Variants in ABCD3 observed in about 807,000 individuals in gnomAD.
The protein encoded by ABCD3 is ATP-binding cassette sub-family D member 3.
ABCD3 carries 41 observed loss-of-function variants against 105.5 expected under a neutral mutation model. That is an observed-to-expected ratio of 0.39 (90% CI 0.30 to 0.50). The LOEUF (loss-of-function observed/expected upper bound fraction) is 0.50. ABCD3 is among the 20% of genes least tolerant of loss of function. ABCD3 has a pLI of 0.84. For missense variants in ABCD3, 622 were observed against 806.3 expected, an observed-to-expected ratio of 0.77 and a Z score of 2.77; for synonymous variants, 258 against 269.0, an observed-to-expected ratio of 0.96 and a Z score of 0.40.
intron 16 of ABCD3, among the ~76,000 whole-genome samples, chr1:94,494,123 C>G (rs186889931): frequency 2.0e-5 from 3 of 151,918 alleles, no homozygotes; most frequent in African/African-American, 7.3e-5. Context: ...AGAACAATAA[C>G]TACCCTGTAT....
chr1:94,472,935 C>T (rs998274356), intron 4 of ABCD3, among the ~76,000 whole-genome samples: 1 of 152,090 alleles, frequency 6.6e-6, no homozygotes, highest in Non-Finnish European at 1.5e-5. Context: ...ACTCAAAGAT[C>T]CTTTACTTAT....
At chr1:94,440,748 T>A (rs2100912794) in intron 1 of ABCD3, among the ~76,000 whole-genome samples, 1 of 152,364 alleles carries the variant, frequency 6.6e-6, no homozygotes, top group African/African-American at 2.4e-5. Flanking sequence ...AGAAATACTT[T>A]GTCATCTAGT....
chr1:94,444,003 C>CT (rs1236880394), intron 1 of ABCD3, among the ~76,000 whole-genome samples: 1 of 151,874 alleles, frequency 6.6e-6, no homozygotes, highest in Non-Finnish European at 1.5e-5. Context: ...TCTCTCATGT[C>CT]TTTTTTATTT....
intron 1 of ABCD3, among the ~76,000 whole-genome samples, chr1:94,458,234 A>G (rs1255226566): frequency 1.3e-5 from 2 of 152,188 alleles, no homozygotes; most frequent in Admixed American, 1.3e-4. Context: ...ACATTTTCCA[A>G]GCCTCTGTTT....
intron 1 of ABCD3, among the ~76,000 whole-genome samples, chr1:94,437,740 T>C (rs947812100): frequency 1.3e-5 from 2 of 152,244 alleles, no homozygotes; most frequent in African/African-American, 4.8e-5. Context: ...ATCTCTGTGA[T>C]GGATCTGGGT....
At chr1:94,451,552 A>G (rs1647259849) in intron 1 of ABCD3, among the ~76,000 whole-genome samples, 2 of 152,182 alleles carry the variant, frequency 1.3e-5, no homozygotes, top group Admixed American at 1.3e-4. Context: ...TGTTTCCCAA[A>G]GGATTTATAT....
Position 94,418,444 on chromosome 1 carries a change from C to T in ABCD3, c.-35C>T, listed in dbSNP as rs753091516. On this transcript the variant is annotated 5_prime_UTR_variant, in exon 1 of 23. Transcript: ENST00000370214. ...GTAGCCGCCGCCGCCGCCGCCGCCGCGTCCCCTCGCCGGCTCGCTGGTACC... is the reference window on the plus strand; with the variant it reads ...GTAGCCGCCGCCGCCGCCGCCGCCGTGTCCCCTCGCCGGCTCGCTGGTACC... The T allele has an allele frequency of 1.2e-5, 19 of 1,553,706 alleles. No homozygotes were observed. Among genetic ancestry groups the T allele is most frequent in the South Asian group, 9.2e-5 (8 of 87,048 alleles).
At chr1:94,512,543 A>C (rs1370439151) in intron 21 of ABCD3, among the ~76,000 whole-genome samples, 3 of 151,970 alleles carry the variant, frequency 2.0e-5, no homozygotes, top group Non-Finnish European at 4.4e-5. Context: ...ACCTTTTCTT[A>C]ATTTTTCCAT....
At chr1:94,428,086 A>T (rs814610) in intron 1 of ABCD3, among the ~76,000 whole-genome samples, 7,920 of 144,404 alleles carry the variant, frequency 0.055, 237 homozygotes, top group East Asian at 0.12. Context: ...TTTTTTTTTT[A>T]TTTTTTATTT....
intron 22 of ABCD3, among the ~76,000 whole-genome samples, chr1:94,515,949 G>C (rs549615951): frequency 1.3e-5 from 2 of 149,710 alleles, no homozygotes; most frequent in African/African-American, 4.9e-5. Flanking sequence ...GAAATTTTAG[G>C]TAAAAGCAAG....
rs1557696389 is a variant in ABCD3 at position 94,517,418 on chromosome 1, C to A, written c.*289C>A. 1 of 358,318 alleles carries A rather than the reference C, an allele frequency of 2.8e-6. No individual in the cohort carries two copies. Among genetic ancestry groups the A allele is most frequent in the Non-Finnish European group, 5.3e-6 (1 of 187,992 alleles). 22.2% of individuals were successfully genotyped at this position (358,318 alleles called of 1,614,324 possible). On this transcript the variant is annotated 3_prime_UTR_variant, in exon 23 of 23. Coordinates refer to ENST00000370214, the MANE Select transcript of ABCD3 (RefSeq NM_002858.4). ...TTAAATTGGGCTTCAATCACTGTAA[C>A]CTGATTCATCCTGGGATGTAAACCA...
intron 1 of ABCD3, among the ~76,000 whole-genome samples, chr1:94,428,696 C>T (rs751636516): frequency 6.6e-6 from 1 of 152,104 alleles, no homozygotes; most frequent in Non-Finnish European, 1.5e-5. Context: ...GTGACTTGCT[C>T]CTCTTTGCCT....
At chr1:94,412,822 T>G in the ABCD3 span, among the ~76,000 whole-genome samples, 1 of 152,234 alleles carries the variant, frequency 6.6e-6, no homozygotes. Flanking sequence ...TGTAGTTTTA[T>G]TTTGTATCTC....
chr1:94,387,578 T>A, the ABCD3 span, among the ~76,000 whole-genome samples: 1 of 152,198 alleles, frequency 6.6e-6, no homozygotes, highest in African/African-American at 2.4e-5. Flanking sequence ...AACTCAATTT[T>A]GGGTTTACCT....
In ABCD3 at chr1:94,480,505, A is replaced by G. The variant is rs752510800; in HGVS notation, c.726A>G (p.Leu242=). The G allele has an allele frequency of 3.7e-6, 6 of 1,613,784 alleles. No individual in the cohort carries two copies. The highest frequency in any genetic ancestry group is 2.7e-5 in the African/African-American group (2 of 74,914). ...TGGCCTACTTGGTTGTTTCTGGGCTATTCCTAACTCGACTTCGAAGACCCA... is the reference window on the plus strand; with the variant it reads ...TGGCCTACTTGGTTGTTTCTGGGCTGTTCCTAACTCGACTTCGAAGACCCA... ...SMMAYLVVSG[L]FLTRLRRPIG... is the part of the protein sequence containing the mutation. The change falls in exon 9 of 23, where the codon CTA becomes CTG. Residue 242 remains leucine (L), a synonymous_variant. Coordinates refer to ENST00000370214, the MANE Select transcript of ABCD3 (RefSeq NM_002858.4).
At chr1:94,505,756 G>T (rs749584196) in intron 20 of ABCD3, among the ~76,000 whole-genome samples, 2 of 152,050 alleles carry the variant, frequency 1.3e-5, no homozygotes, top group Non-Finnish European at 2.9e-5. Flanking sequence ...AAACTTAGGT[G>T]CATGGTTTCA....
intron 1 of ABCD3, among the ~76,000 whole-genome samples, chr1:94,443,387 A>C (rs1169252354): frequency 6.6e-6 from 1 of 152,078 alleles, no homozygotes; most frequent in Non-Finnish European, 1.5e-5. Context: ...ATAGTTTGCA[A>C]ATATTTTTTG....
At chr1:94,483,365 T>C in intron 10 of ABCD3, 126 bp downstream of exon 10, 1 of 710,416 alleles carries the variant, frequency 1.4e-6, no homozygotes, top group South Asian at 1.7e-5. Context: ...ATCTTAAAGA[T>C]TTTTTGAAAA....
intron 1 of ABCD3, among the ~76,000 whole-genome samples, chr1:94,441,371 CTG>C (rs1660128801): frequency 6.6e-6 from 1 of 152,180 alleles, no homozygotes; most frequent in Non-Finnish European, 1.5e-5. Flanking sequence ...ATTGGTGAGG[CTG>C]TGAAGAAACT....
Sources: gnomAD v4.1 joint callset for allele counts (sites outside exome capture counted in the v4.1 genomes callset) on GRCh38, gnomAD v4.1.1 for gene constraint, MANE v1.5 for transcripts, NCBI Gene and HGNC (gene_info 2026-07-23, HGNC 2026-07-21) for gene names.